CDKAL1: variants seen among roughly 807,000 people sequenced by gnomAD.
The protein encoded by CDKAL1 is threonylcarbamoyladenosine tRNA methylthiotransferase.
CDKAL1 carries 32 observed loss-of-function variants against 68.2 expected under a neutral mutation model. That is an observed-to-expected ratio of 0.47 (90% CI 0.35 to 0.63). The LOEUF is 0.63. CDKAL1 is among the 30% of genes least tolerant of loss of function. The probability of loss-of-function intolerance (pLI) is 0.00; values close to 1 mark genes in which losing one functional copy is unlikely to be tolerated. For synonymous variants in CDKAL1, 234 were observed against 244.3 expected, an observed-to-expected ratio of 0.96 and a Z score of 0.39; for missense variants, 606 against 696.7, an observed-to-expected ratio of 0.87 and a Z score of 1.47.
At chr6:20,538,020 T>A (rs1763244554) in intron 2 of CDKAL1, among the ~76,000 whole-genome samples, 1 of 152,350 alleles carries the variant, frequency 6.6e-6, no homozygotes, top group Admixed American at 6.5e-5. Context: ...TATATTTATC[T>A]TTTTTGAGTG....
intron 9 of CDKAL1, among the ~76,000 whole-genome samples, chr6:20,853,320 G>T (rs762582701): frequency 4.8e-4 from 73 of 151,178 alleles, no homozygotes; most frequent in Non-Finnish European, 7.9e-4. Flanking sequence ...AGGTGAGGTT[G>T]CAGTGAGCCA....
At chr6:20,748,970 T>C (rs189009688) in intron 6 of CDKAL1, among the ~76,000 whole-genome samples, 3 of 151,484 alleles carry the variant, frequency 2.0e-5, no homozygotes, top group Non-Finnish European at 4.4e-5. Flanking sequence ...TATATGTATA[T>C]GTATGTGTAT....
intron 13 of CDKAL1, among the ~76,000 whole-genome samples, chr6:21,180,527 A>G (rs1338786594): frequency 6.6e-6 from 1 of 152,144 alleles, no homozygotes; most frequent in African/African-American, 2.4e-5. Context: ...CTGATCTTAC[A>G]CTGATTTCTA....
intron 13 of CDKAL1, among the ~76,000 whole-genome samples, chr6:21,123,754 A>C (rs1774845886): frequency 6.6e-6 from 1 of 152,256 alleles, no homozygotes. Flanking sequence ...CTTTACAGTC[A>C]CTAACCCTTC....
intron 5 of CDKAL1, among the ~76,000 whole-genome samples, chr6:20,672,295 TCTCC>T (rs1769878753): frequency 1.2e-4 from 14 of 114,916 alleles, no homozygotes; most frequent in African/African-American, 7.0e-4. Context: ...TCTCTCTCTC[TCTCC>T]CTCTCCCTCT....
intron 4 of CDKAL1, among the ~76,000 whole-genome samples, chr6:20,611,424 T>A (rs1766612846): frequency 6.6e-6 from 1 of 152,240 alleles, no homozygotes; most frequent in Middle Eastern, 3.4e-3. Flanking sequence ...TTTAAAGTGA[T>A]GGTGTTATTT....
intron 11 of CDKAL1, among the ~76,000 whole-genome samples, chr6:21,056,204 G>A (rs960005031): frequency 2.1e-4 from 32 of 151,884 alleles, no homozygotes; most frequent in African/African-American, 6.3e-4. Flanking sequence ...TTCTTTGAAC[G>A]GTGGTTTGTA....
intron 5 of CDKAL1, among the ~76,000 whole-genome samples, chr6:20,738,842 G>T (rs1451817976): frequency 6.6e-6 from 1 of 152,182 alleles, no homozygotes; most frequent in Non-Finnish European, 1.5e-5. Context: ...ACAGAGTGGG[G>T]ATTTCACATC....
intron 8 of CDKAL1, among the ~76,000 whole-genome samples, chr6:20,792,944 A>C (rs756130170): frequency 8.5e-5 from 13 of 152,196 alleles, no homozygotes; most frequent in Non-Finnish European, 1.6e-4. Context: ...TGTACCTAGA[A>C]GTTTACCACA....
intron 5 of CDKAL1, among the ~76,000 whole-genome samples, chr6:20,699,798 T>C (rs1771261686): frequency 6.6e-6 from 1 of 152,336 alleles, no homozygotes; most frequent in African/African-American, 2.4e-5. Context: ...CACAGAACCA[T>C]GTACAGCATT....
At chr6:21,080,152 A>C (rs544809301) in intron 12 of CDKAL1, among the ~76,000 whole-genome samples, 4 of 152,120 alleles carry the variant, frequency 2.6e-5, no homozygotes, top group African/African-American at 9.6e-5. Context: ...ACAAAAGTAA[A>C]GAAAAAGGGG....
intron 5 of CDKAL1, among the ~76,000 whole-genome samples, chr6:20,727,031 C>G (rs1482818622): frequency 3.3e-5 from 5 of 152,172 alleles, no homozygotes; most frequent in African/African-American, 1.2e-4. Context: ...TCTGTCTAAT[C>G]AAGTGGCCTG....
chr6:20,677,596 A>G (rs1562019053), intron 5 of CDKAL1, among the ~76,000 whole-genome samples: 1 of 151,982 alleles, frequency 6.6e-6, no homozygotes, highest in African/African-American at 2.4e-5. Flanking sequence ...TTGTATTTTT[A>G]GTAGAGACAG....
At chr6:20,537,834 A>C (rs1376840595) in intron 2 of CDKAL1, among the ~76,000 whole-genome samples, 1 of 152,092 alleles carries the variant, frequency 6.6e-6, no homozygotes, top group African/African-American at 2.4e-5. Flanking sequence ...TTTATTCTCA[A>C]ACTTTCATTT....
At chr6:21,019,933 C>T (rs1768551232) in intron 11 of CDKAL1, among the ~76,000 whole-genome samples, 1 of 151,442 alleles carries the variant, frequency 6.6e-6, no homozygotes, top group Non-Finnish European at 1.5e-5. Flanking sequence ...GCCACTGTCT[C>T]TTTTGTGTCT....
chr6:21,071,111 T>C (rs1343487684), intron 12 of CDKAL1, among the ~76,000 whole-genome samples: 1 of 152,246 alleles, frequency 6.6e-6, no homozygotes, highest in East Asian at 1.9e-4. Context: ...ATTTCCATGT[T>C]CTAATTAAAT....
intron 12 of CDKAL1, among the ~76,000 whole-genome samples, chr6:21,089,171 A>G (rs1772860319): frequency 6.6e-6 from 1 of 152,110 alleles, no homozygotes; most frequent in African/African-American, 2.4e-5. Flanking sequence ...TTTAATTACC[A>G]TGCCTTAAAA....
At chr6:21,128,266 A>G (rs981101859) in intron 13 of CDKAL1, among the ~76,000 whole-genome samples, 1 of 152,238 alleles carries the variant, frequency 6.6e-6, no homozygotes, top group Admixed American at 6.5e-5. Context: ...CTGGGCTAAC[A>G]AAAGTGTTCT....
chr6:20,983,889 C>T lies in CDKAL1; in HGVS notation c.910-16338C>T, dbSNP rs545888802. ...TTTATGCAAATTAGTTTGTGCTATT[C>T]CTCAAGAATTAGTGTATGTATAGAG... On this transcript the variant is annotated intron_variant, in intron 10 of 15. Transcript: ENST00000274695. Among the ~76,000 whole-genome samples, 142 of 152,206 alleles carry T rather than the reference C, an allele frequency of 9.3e-4. 1 individual carries two copies. The highest frequency in any genetic ancestry group is 1.5e-3 in the Non-Finnish European group (101 of 68,004).
Sources: allele counts gnomAD v4.1 joint callset (sites outside exome capture counted in the v4.1 genomes callset), GRCh38; gene constraint gnomAD v4.1.1; transcripts MANE v1.5; gene names NCBI Gene and HGNC (gene_info 2026-07-23, HGNC 2026-07-21).